The following SPATA21 variants were observed in gnomAD, a reference collection of about 807,000 sequenced individuals.
The protein encoded by SPATA21 is spermatogenesis associated 21, also known as spermatogenesis-associated protein 21.
SPATA21 carries 47 observed loss-of-function variants against 54.8 expected under a neutral mutation model. The ratio of observed to expected loss-of-function variants is 0.86; its 90% CI spans 0.68 to 1.09. The LOEUF (loss-of-function observed/expected upper bound fraction) is 1.09, where lower values mean the gene tolerates loss of function less well. Ranked by LOEUF, SPATA21 falls within the 50% of genes least tolerant of loss-of-function variation. SPATA21 has a pLI of 0.00. For missense variants in SPATA21, 599 were observed against 596.4 expected (o/e 1.00, Z -0.05); for synonymous variants, 245 against 235.3 (o/e 1.04, Z -0.38).
intron 10 of SPATA21, among the ~76,000 whole-genome samples, chr1:16,401,994 C>T (rs557837523): frequency 1.4e-4 from 22 of 152,268 alleles, no homozygotes; most frequent in Admixed American, 9.8e-4. Flanking sequence ...TTACTCCAGC[C>T]GTCTACTAAC....
Position 16,427,881 on chromosome 1 carries a change from C to T in SPATA21, c.34+3457G>A, listed in dbSNP as rs141164756. 2.3e-5 allele frequency: 36 copies of T among 1,549,208 alleles called. No individual in the cohort carries two copies. In the African/African-American group the frequency reaches 4.8e-4, roughly 21 times the overall value. On this transcript the variant is annotated intron_variant, in intron 3 of 12. Transcript: ENST00000335496. ...CAGCTCACCCTGGTCTTGCTGGAGG[C>T]CCCTGCTCCTGGATTCTGAGCTCTG...
Position 16,409,122 on chromosome 1 carries a change from C to T in SPATA21, c.669G>A (p.Glu223=). ...KSEEQLTLKQ[E]EAFRSYFEIF... is the part of the protein sequence containing the mutation. ...CCCTGACCTCCCTGCCCTCACCTTC[C>T]TCTTGCTTCAGGGTCAGTTGCTCCT... Residue 223 remains glutamate (E), a synonymous_variant, in exon 7 of 13, where the codon GAG becomes GAA. Transcript: ENST00000335496. This position sits in a 1 kb window ranked among gnomAD's most constrained non-coding sequence, Gnocchi z 4.1. 2 of 1,614,124 alleles carry T rather than the reference C, an allele frequency of 1.2e-6. No homozygotes were observed. Among genetic ancestry groups the T allele is most frequent in the Non-Finnish European group, 1.7e-6 (2 of 1,179,996 alleles).
intron 11 of SPATA21, 149 bp from the exon 12 acceptor site, chr1:16,399,670 A>C: frequency 1.1e-6 from 1 of 883,236 alleles, no homozygotes; most frequent in Non-Finnish European, 1.7e-6. Context: ...TCTGAGCTGG[A>C]GGTGATAGTG....
chr1:16,407,291 G>A (rs1025145619), intron 7 of SPATA21, among the ~76,000 whole-genome samples: 2 of 152,196 alleles, frequency 1.3e-5, no homozygotes, highest in African/African-American at 2.4e-5. Context: ...TTGAGCCACT[G>A]GAGCAGGGCA....
rs1052430325 is a variant in SPATA21 at position 16,403,988 on chromosome 1, C to T, written c.863G>A (p.Arg288Lys). ...KDFLAVMTDT[R>K]RFFCSVEQNA... ...CTCACCCACAGAGCAGAAGAAGCGC[C>T]TGGTGTCTGTCATCACAGCCAAGAA... Residue 288 changes from arginine (R) to lysine (K), a missense_variant, in exon 9 of 13, where the codon AGG becomes AAG. Arg to Lys is a conservative substitution (Grantham distance 26). Coordinates refer to ENST00000335496, the MANE Select transcript of SPATA21 (RefSeq NM_198546.1). The T allele has an allele frequency of 2.5e-6, 4 of 1,572,190 alleles. No homozygotes were observed. The African/African-American group carries it at 5.4e-5, about 21-fold the overall frequency.
Position 16,437,123 on chromosome 1 carries a change from C to T in SPATA21, c.-187+5G>A, listed in dbSNP as rs2086606062. The T allele has an allele frequency of 6.6e-6, 1 of 152,294 alleles. No individual in the cohort carries two copies. Among genetic ancestry groups the T allele is most frequent in the African/African-American group, 2.4e-5 (1 of 41,450 alleles). 9.4% of individuals were successfully genotyped at this position (152,294 alleles called of 1,614,324 possible). A position where few individuals can be genotyped will look rare whatever the true frequency, so the allele number is the denominator to read the frequency against. ...CCTTACACCCCACCTTGGCCCTGCA[C>T]CTACCAGAAATCAGCTGGATGAGTC... On this transcript the variant is annotated splice_donor_5th_base_variant and intron_variant, in intron 1 of 12. Coordinates refer to ENST00000335496, the MANE Select transcript of SPATA21 (RefSeq NM_198546.1).
chr1:16,421,930 G>C lies in SPATA21; in HGVS notation c.76C>G (p.Pro26Ala). The C allele has an allele frequency of 2.5e-6, 4 of 1,614,154 alleles. No homozygotes were observed. Among genetic ancestry groups the C allele is most frequent in the Non-Finnish European group, 3.4e-6 (4 of 1,180,010 alleles). ...ACTTACCCTCCTTTTGCTTTTTTAG[G>C]TCCAGGCGTGGATGGCAGGAAGGGG... is the stretch of plus-strand genomic sequence containing the variant. ...VNPFLPSTPG[P>A]KKAKGGGEAV... The change falls in exon 4 of 13, where the codon CCT (proline) becomes GCT (alanine). Residue 26 changes from proline to alanine, a missense_variant. Physicochemically the swap from Pro to Ala is conservative, Grantham distance 27 (BLOSUM62 -1). Coordinates refer to ENST00000335496, the MANE Select transcript of SPATA21 (RefSeq NM_198546.1). The surrounding 1 kb of genome is among the most constrained non-coding windows in gnomAD (Gnocchi z 5.2).
upstream of SPATA21, chr1:16,437,482 T>C (rs1570241786): frequency 1.3e-5 from 2 of 152,202 alleles, no homozygotes; most frequent in African/African-American, 4.8e-5. Context: ...ACAGTGATTA[T>C]TGGGCCAGGG....
intron 5 of SPATA21, among the ~76,000 whole-genome samples, chr1:16,414,709 A>T (rs2085948008): frequency 6.6e-6 from 1 of 151,750 alleles, no homozygotes; most frequent in Non-Finnish European, 1.5e-5. Flanking sequence ...AGCCTGACCA[A>T]CATGGAGAAG....
intron 7 of SPATA21, among the ~76,000 whole-genome samples, chr1:16,407,483 G>A (rs919616757): frequency 4.0e-5 from 6 of 151,814 alleles, no homozygotes; most frequent in Non-Finnish European, 5.9e-5. Flanking sequence ...TTTTTGAGAC[G>A]GAGTCTCTCT....
intron 10 of SPATA21, among the ~76,000 whole-genome samples, chr1:16,401,844 C>T (rs4661745): frequency 0.2 from 29,771 of 152,128 alleles, 3,255 homozygotes; most frequent in Non-Finnish European, 0.24. Context: ...CCTTTTCCCC[C>T]GCTAGACTAC....
intron 7 of SPATA21, among the ~76,000 whole-genome samples, chr1:16,407,911 T>G (rs2085698371): frequency 1.3e-5 from 2 of 152,158 alleles, no homozygotes. Flanking sequence ...GACTACAGGC[T>G]TATGCTACCA....
rs371919683 is a variant in SPATA21, at chr1:16,409,573, C to T, written c.587+28G>A. 33 of 1,591,270 alleles carry T rather than the reference C, an allele frequency of 2.1e-5. No homozygotes were observed. The highest frequency in any genetic ancestry group is 4.5e-5 in the South Asian group (4 of 88,308). ...CTCTGATCTTGGGGCCTTTCAGGAG[C>T]GGGCGGGTGAGCAGCGGGGGCTCCT... On this transcript the variant is annotated intron_variant, in intron 6 of 12. Transcript: ENST00000335496. This position sits in a 1 kb window ranked among gnomAD's most constrained non-coding sequence, Gnocchi z 4.1.
intron 5 of SPATA21, among the ~76,000 whole-genome samples, chr1:16,415,805 A>G (rs925825618): frequency 1.9e-4 from 29 of 151,984 alleles, no homozygotes; most frequent in East Asian, 5.8e-4. Context: ...TGATCCGCCC[A>G]CCTCGGCCTC....
intron 1 of SPATA21, among the ~76,000 whole-genome samples, chr1:16,434,352 C>T (rs1383468797): frequency 3.3e-5 from 5 of 150,890 alleles, no homozygotes; most frequent in Admixed American, 1.3e-4. Flanking sequence ...GCAGTGCGAT[C>T]GTAGCTTACT....
chr1:16,409,937 C>T lies in SPATA21; in HGVS notation c.251G>A (p.Gly84Asp). ...GTQSLGNFRQGFMKCLLEVEK... is the reference protein window; with the variant it reads ...GTQSLGNFRQDFMKCLLEVEK... ...CACCTCCAGCAAGCACTTCATGAAG[C>T]CCTGCCGGAAGTTCCCGAGGCTCTG... The change falls in exon 6 of 13, where the codon GGC (glycine) becomes GAC (aspartate). Residue 84 changes from glycine (G) to aspartate (D), a missense_variant. Coordinates refer to ENST00000335496, the MANE Select transcript of SPATA21 (RefSeq NM_198546.1). The surrounding 1 kb of genome is among the most constrained non-coding windows in gnomAD (Gnocchi z 4.1). 6.2e-7 allele frequency: 1 copy of T among 1,613,856 alleles called. No homozygotes were observed. The highest frequency in any genetic ancestry group is 8.5e-7 in the Non-Finnish European group (1 of 1,179,886).
At chr1:16,431,673 A>C (rs182094189) in intron 2 of SPATA21, among the ~76,000 whole-genome samples, 149 of 152,184 alleles carry the variant, frequency 9.8e-4, no homozygotes, top group Non-Finnish European at 1.7e-3. Context: ...AAGATCTAAC[A>C]CCTGCTAGGT....
intron 7 of SPATA21, 105 bp from the exon 8 acceptor site, chr1:16,405,209 G>T: frequency 1.4e-6 from 2 of 1,478,324 alleles, no homozygotes; most frequent in Non-Finnish European, 1.8e-6. Context: ...CATCAAAAGT[G>T]AAAATAAAAT....
rs1337388541 is a variant in SPATA21, at chr1:16,405,122, T to G, written c.674-18A>C. ...GCGGAAGGCTGTGGGGAGGGCAGGG[T>G]TATGTGGAGTGGGGGCATTTCTTGT... On this transcript the variant is annotated intron_variant, in intron 7 of 12. Coordinates refer to ENST00000335496, the MANE Select transcript of SPATA21 (RefSeq NM_198546.1). 6.3e-7 allele frequency: 1 copy of G among 1,595,642 alleles called. No individual in the cohort carries two copies. The highest frequency in any genetic ancestry group is 1.8e-5 in the Admixed American group (1 of 56,336).
Sources: gnomAD v4.1 joint callset for allele counts (sites outside exome capture counted in the v4.1 genomes callset) on GRCh38, gnomAD v4.1.1 for gene constraint, Gnocchi (gnomAD v3.1) non-coding constraint, MANE v1.5 for transcripts, NCBI Gene and HGNC (gene_info 2026-07-23, HGNC 2026-07-21) for gene names.